The following FHL2 variants were observed in gnomAD, a reference collection of about 807,000 sequenced individuals.
The protein encoded by FHL2 is four and a half LIM domains 2, also known as four and a half LIM domains protein 2.
A neutral mutation model predicts 32.7 loss-of-function variants in FHL2; 20 were observed. That is an observed-to-expected ratio of 0.61 (90% CI 0.43 to 0.89). The LOEUF is 0.89. Ranked by LOEUF, FHL2 falls within the 40% of genes least tolerant of loss-of-function variation. FHL2 has a pLI of 0.00. For synonymous variants in FHL2, 123 were observed against 128.1 expected, an observed-to-expected ratio of 0.96 and a Z score of 0.27; for missense variants, 311 against 358.6, an observed-to-expected ratio of 0.87 and a Z score of 1.07.
intron 5 of FHL2, 112 bp from the exon 6 acceptor site, chr2:105,363,583 T>C: frequency 1.0e-6 from 1 of 1,004,414 alleles, no homozygotes. Context: ...GTCCAGTTTG[T>C]TAAGTCACCA....
chr2:105,417,851 T>A (rs1683979522), intron 1 of FHL2, among the ~76,000 whole-genome samples: 1 of 152,146 alleles, frequency 6.6e-6, no homozygotes, highest in African/African-American at 2.4e-5. Flanking sequence ...ATGAAGAATA[T>A]CATGATTACT....
intron 3 of FHL2, among the ~76,000 whole-genome samples, chr2:105,382,176 A>C (rs1681943725): frequency 6.6e-6 from 1 of 152,220 alleles, no homozygotes; most frequent in Non-Finnish European, 1.5e-5. Flanking sequence ...ATTAGCTACA[A>C]AAGCTGGAAA....
chr2:105,395,344 T>C (rs935409157), intron 2 of FHL2, among the ~76,000 whole-genome samples: 12 of 152,106 alleles, frequency 7.9e-5, no homozygotes, highest in African/African-American at 2.7e-4. Flanking sequence ...CTTCCCTGAG[T>C]GAGTTACGAA....
chr2:105,399,061 C>T (rs749282309), upstream of FHL2: 13 of 1,493,754 alleles, frequency 8.7e-6, no homozygotes, highest in Non-Finnish European at 1.2e-5. Flanking sequence ...TGGAGCGCTG[C>T]GCAGCTCCCG....
chr2:105,399,363 C>T (rs1301663776), upstream of FHL2: 2 of 1,535,862 alleles, frequency 1.3e-6, no homozygotes, highest in South Asian at 1.2e-5. Context: ...CTGCCCACGC[C>T]GGGATCTCTG....
At chr2:105,404,844 AT>A (rs1683577051) in intron 1 of FHL2, among the ~76,000 whole-genome samples, 1 of 152,150 alleles carries the variant, frequency 6.6e-6, no homozygotes, top group Non-Finnish European at 1.5e-5. Context: ...TTCACAAACT[AT>A]TTGTTGGATA....
intron 3 of FHL2, chr2:105,376,426 G>T (rs1374988563): frequency 1.3e-5 from 2 of 152,316 alleles, no homozygotes; most frequent in South Asian, 2.1e-4. Flanking sequence ...CTAAATGAAT[G>T]TGGCTCAGTA....
chr2:105,380,786 GA>G (rs927641659), intron 3 of FHL2, among the ~76,000 whole-genome samples: 3 of 150,664 alleles, frequency 2.0e-5, no homozygotes, highest in East Asian at 1.9e-4. Flanking sequence ...CAAAAAGAAA[GA>G]AAAAAAAAGT....
Position 105,397,017 on chromosome 2 carries a change from T to G in FHL2, c.-75-320A>C, listed in dbSNP as rs556058113. The G allele has an allele frequency of 5.4e-4, 121 of 225,866 alleles. 1 individual carries two copies. The highest frequency in any genetic ancestry group is 2.5e-3 in the African/African-American group (107 of 42,566). 14.0% of individuals were successfully genotyped at this position (225,866 alleles called of 1,614,324 possible). A position where few individuals can be genotyped will look rare whatever the true frequency, so the allele number is the denominator to read the frequency against. On this transcript the variant is annotated intron_variant, in intron 1 of 6. Coordinates refer to ENST00000530340, the MANE Select transcript of FHL2 (RefSeq NM_001318895.3). ...ACTCCTGATATCTAGTCTGTTTTTT[T>G]TTTTTTTTTTTTTTGGCAATATTCT...
In FHL2 at chr2:105,411,320, G is replaced by A. The variant is rs76492935; in HGVS notation, c.-24-24780C>T. On this transcript the variant is annotated intron_variant, in intron 1 of 5. Coordinates refer to the FHL2 transcript ENST00000393352. ...TAACTTTTTAAGATAAAGACAAATT[G>A]TAACTTTAGAAAGAATACTATGAAC... Among the ~76,000 whole-genome samples the A allele has an allele frequency of 7.4e-3, 1,120 of 152,138 alleles. 21 individuals are homozygous for A. The highest frequency in any genetic ancestry group is 0.026 in the African/African-American group (1,072 of 41,490).
chr2:105,377,892 C>T (rs1217385227), intron 3 of FHL2: 1 of 373,304 alleles, frequency 2.7e-6, no homozygotes, highest in African/African-American at 2.1e-5. Flanking sequence ...TGGTGGCTGC[C>T]CTGCCCAGGG....
At chr2:105,391,021 C>T (rs550126925) in intron 2 of FHL2, among the ~76,000 whole-genome samples, 19 of 151,122 alleles carry the variant, frequency 1.3e-4, no homozygotes, top group African/African-American at 4.4e-4. Context: ...TTAGTAGAGA[C>T]GGAGTTTCAC....
At chr2:105,378,250 G>A (rs771010421) in intron 3 of FHL2, 15 of 462,888 alleles carry the variant, frequency 3.2e-5, no homozygotes, top group Admixed American at 1.2e-4. Context: ...TCATTGACAC[G>A]TGACACTTGA....
chr2:105,386,433 G>A lies in FHL2; in HGVS notation c.84C>T (p.Cys28=), dbSNP rs375234968. The change falls in exon 3 of 7, where the codon TGC becomes TGT. Residue 28 remains cysteine (C), a synonymous_variant. Transcript: ENST00000530340. The stretch of plus-strand genomic sequence containing the variant: ...CGAACAGGGTCTCAAAGCACACCAC[G>A]CAGTAGGGGCTCTCCTCCCGCAGGA... ...KYILREESPY[C]VVCFETLFAN... 5.1e-5 allele frequency: 83 copies of A among 1,614,250 alleles called. No homozygotes were observed. Among genetic ancestry groups the A allele is most frequent in the Admixed American group, 2.3e-4 (14 of 60,026 alleles).
At chr2:105,371,833 T>A (rs1367175340) in intron 4 of FHL2, among the ~76,000 whole-genome samples, 1 of 152,310 alleles carries the variant, frequency 6.6e-6, no homozygotes, top group East Asian at 1.9e-4. Flanking sequence ...GTTCTTATTG[T>A]TACTGAGTGT....
At chr2:105,426,172 G>C (rs1037829394) in intron 1 of FHL2, among the ~76,000 whole-genome samples, 5 of 152,152 alleles carry the variant, frequency 3.3e-5, no homozygotes. Context: ...CGGTGCATTT[G>C]TCAAAGTGCT....
upstream of FHL2, chr2:105,399,361 G>A (rs141651176): frequency 1.1e-4 from 163 of 1,535,982 alleles, no homozygotes; most frequent in East Asian, 3.9e-3. Context: ...GTCTGCCCAC[G>A]CCGGGATCTC....
intron 1 of FHL2, among the ~76,000 whole-genome samples, chr2:105,433,348 T>G (rs1455390430): frequency 2.6e-5 from 4 of 151,890 alleles, no homozygotes; most frequent in Non-Finnish European, 2.9e-5. Flanking sequence ...GCCCAGCTAA[T>G]TTTGGTATTT....
At position 105,363,270 on chromosome 2, in the gene FHL2, C is replaced by A; in HGVS notation, c.688+15G>T. The A allele has an allele frequency of 6.2e-7, 1 of 1,612,892 alleles. No homozygotes were observed. The highest frequency in any genetic ancestry group is 1.7e-5 in the Admixed American group (1 of 59,994). On this transcript the variant is annotated intron_variant, in intron 6 of 6. Coordinates refer to ENST00000530340, the MANE Select transcript of FHL2 (RefSeq NM_001318895.3). ...TTCCAATCGCCCCTGGAAATGGGAA[C>A]CCCGGGACACTCACCGCTGATGGGG...
Sources: gnomAD v4.1 joint callset for allele counts (sites outside exome capture counted in the v4.1 genomes callset) on GRCh38, gnomAD v4.1.1 for gene constraint, MANE v1.5 for transcripts, NCBI Gene and HGNC (gene_info 2026-07-23, HGNC 2026-07-21) for gene names.